PIP4K2A: variants seen among roughly 807,000 people sequenced by gnomAD.
PIP4K2A encodes the protein phosphatidylinositol-5-phosphate 4-kinase type 2 alpha.
PIP4K2A carries 14 observed loss-of-function variants against 42.9 expected under a neutral mutation model. The observed-to-expected ratio is 0.33, with a 90% CI of 0.22 to 0.51. The LOEUF (loss-of-function observed/expected upper bound fraction) is 0.51. Ranked by LOEUF, PIP4K2A falls within the 20% of genes least tolerant of loss-of-function variation. The pLI is 0.97. For synonymous variants in PIP4K2A, 192 were observed against 192.2 expected, an observed-to-expected ratio of 1.00 and a Z score of 0.01; for missense variants, 434 against 519.8, an observed-to-expected ratio of 0.83 and a Z score of 1.61.
intron 7 of PIP4K2A, among the ~76,000 whole-genome samples, chr10:22,545,020 A>C (rs1310362740): frequency 6.6e-6 from 1 of 152,220 alleles, no homozygotes; most frequent in Non-Finnish European, 1.5e-5. Context: ...TTCCCAAGCA[A>C]GGCAGCCCCA....
At chr10:22,541,421 T>C (rs1227865798) in intron 8 of PIP4K2A, among the ~76,000 whole-genome samples, 1 of 152,270 alleles carries the variant, frequency 6.6e-6, no homozygotes, top group African/African-American at 2.4e-5. Context: ...AAAAACGTAT[T>C]AATATTTTAA....
At chr10:22,618,964 T>C (rs1750754) in intron 1 of PIP4K2A, among the ~76,000 whole-genome samples, 64,985 of 151,994 alleles carry the variant, frequency 0.43, 15,030 homozygotes, top group African/African-American at 0.6. Flanking sequence ...AGGCATAATT[T>C]TTTCTTACTT....
At position 22,573,379 on chromosome 10, in the gene PIP4K2A, T is replaced by C. The variant is rs1220413780; in HGVS notation, c.571A>G (p.Ile191Val). 6.2e-7 allele frequency: 1 copy of C among 1,613,568 alleles called. No homozygotes were observed. The highest frequency in any genetic ancestry group is 8.5e-7 in the Non-Finnish European group (1 of 1,179,610). Residue 191 changes from isoleucine to valine, a missense_variant, in exon 5 of 10, where the codon ATA becomes GTA. Physicochemically the swap from Ile to Val is conservative, Grantham distance 29. Coordinates refer to ENST00000376573, the MANE Select transcript of PIP4K2A (RefSeq NM_005028.5). ...ACATTTCTTGTAACTATCACATATA[T>C]TTCAACTCCATCAACATTAAGCCGG... ...MYRLNVDGVE[I>V]YVIVTRNVFS...
rs71394001 is a variant in PIP4K2A at position 22,561,565 on chromosome 10, G to GTT, written c.678+6284_678+6285dup. Among the ~76,000 whole-genome samples the GTT allele has an allele frequency of 3.0e-4, 34 of 113,498 alleles. 8 individuals are homozygous for GTT. The highest frequency in any genetic ancestry group is 3.8e-4 in the Non-Finnish European group (22 of 57,626). The allele number at this position is 113,498 out of a possible 152,430, so 74.5% of individuals were successfully genotyped here. On this transcript the variant is annotated intron_variant, in intron 6 of 9. Coordinates refer to ENST00000376573, the MANE Select transcript of PIP4K2A (RefSeq NM_005028.5). ...TATGTCACCAGAGATTCTCTACGCAGTTTTTTTTTTTTTTTTTTTTTTTTT... is the reference window on the plus strand; with the variant it reads ...TATGTCACCAGAGATTCTCTACGCAGTTTTTTTTTTTTTTTTTTTTTTTTTTT...
chr10:22,643,724 C>G (rs1389296997), intron 1 of PIP4K2A, among the ~76,000 whole-genome samples: 3 of 152,100 alleles, frequency 2.0e-5, no homozygotes, highest in Non-Finnish European at 1.5e-5. Context: ...TTGCAGCCCC[C>G]CTCAAGTATT....
chr10:22,651,340 A>G (rs1007040996), intron 1 of PIP4K2A, among the ~76,000 whole-genome samples: 4 of 152,086 alleles, frequency 2.6e-5, no homozygotes, highest in Admixed American at 2.6e-4. Context: ...ATGACTTCCA[A>G]TTGCTCTTAG....
chr10:22,554,362 AC>A (rs2130766503), intron 6 of PIP4K2A, among the ~76,000 whole-genome samples: 1 of 152,344 alleles, frequency 6.6e-6, no homozygotes, highest in East Asian at 1.9e-4. Flanking sequence ...TACAAAGATG[AC>A]GTCTGCAGAG....
chr10:22,608,520 T>C (rs1762642424), intron 2 of PIP4K2A, among the ~76,000 whole-genome samples: 1 of 152,170 alleles, frequency 6.6e-6, no homozygotes, highest in South Asian at 2.1e-4. Context: ...TAAACACTGT[T>C]ATGAGAAAAA....
intron 1 of PIP4K2A, among the ~76,000 whole-genome samples, chr10:22,660,382 A>AACT (rs1298245426): frequency 3.9e-5 from 6 of 152,092 alleles, no homozygotes; most frequent in African/African-American, 1.4e-4. Context: ...GAGGCAGGAG[A>AACT]ACTGCTTGAA....
intron 4 of PIP4K2A, among the ~76,000 whole-genome samples, chr10:22,577,867 G>C (rs1486189458): frequency 6.6e-6 from 1 of 152,200 alleles, no homozygotes; most frequent in East Asian, 1.9e-4. Flanking sequence ...CAATTGCAGA[G>C]ATGCACGGTC....
At position 22,704,393 on chromosome 10, in the gene PIP4K2A, G is replaced by C. The variant is rs142453240; in HGVS notation, c.144+9790C>G. Among the ~76,000 whole-genome samples, 1,055 of 152,180 alleles carry C rather than the reference G, an allele frequency of 6.9e-3. 16 individuals are homozygous for C. Among genetic ancestry groups the C allele is most frequent in the African/African-American group, 0.024 (982 of 41,522 alleles). On this transcript the variant is annotated intron_variant, in intron 1 of 9. Coordinates refer to ENST00000376573, the MANE Select transcript of PIP4K2A (RefSeq NM_005028.5). ...GTGCTGGAGGTGAAAGCTAGATTGG[G>C]GTAAGTTAAGGAGATCATCGCAGGT...
At chr10:22,694,308 C>A (rs1839928128) in intron 1 of PIP4K2A, 1 of 152,142 alleles carries the variant, frequency 6.6e-6, no homozygotes, top group Non-Finnish European at 1.5e-5. Context: ...TATTTGGGTC[C>A]ACAGGTTAGA....
intron 1 of PIP4K2A, among the ~76,000 whole-genome samples, chr10:22,673,489 C>G (rs1839494935): frequency 6.6e-6 from 1 of 152,040 alleles, no homozygotes; most frequent in Non-Finnish European, 1.5e-5. Flanking sequence ...ATATTAAACT[C>G]AAAGTAGCAT....
At chr10:22,574,151 G>A (rs2130796998) in intron 4 of PIP4K2A, among the ~76,000 whole-genome samples, 1 of 150,776 alleles carries the variant, frequency 6.6e-6, no homozygotes, top group Admixed American at 6.6e-5. Flanking sequence ...ACTCCAGAGG[G>A]CCACAAGATG....
At chr10:22,573,994 C>A (rs1337912582) in intron 4 of PIP4K2A, among the ~76,000 whole-genome samples, 1 of 152,268 alleles carries the variant, frequency 6.6e-6, no homozygotes. Context: ...GACCATAGCA[C>A]CCTCGCTCCT....
At chr10:22,603,936 C>T (rs1381709997) in intron 3 of PIP4K2A, among the ~76,000 whole-genome samples, 2 of 152,068 alleles carry the variant, frequency 1.3e-5, no homozygotes, top group Admixed American at 6.6e-5. Context: ...TTTAAAAATG[C>T]CCTAATGAAT....
At chr10:22,658,027 G>A (rs548029843) in intron 1 of PIP4K2A, among the ~76,000 whole-genome samples, 1 of 152,108 alleles carries the variant, frequency 6.6e-6, no homozygotes. Context: ...CAGAAGTACA[G>A]ACAGGAAGAG....
chr10:22,639,073 A>G (rs1312424456), intron 1 of PIP4K2A, among the ~76,000 whole-genome samples: 2 of 152,202 alleles, frequency 1.3e-5, no homozygotes, highest in Non-Finnish European at 2.9e-5. Context: ...TAGAAAAACA[A>G]TGACTCATGG....
chr10:22,614,174 T>TAG (rs1457733054), intron 1 of PIP4K2A, among the ~76,000 whole-genome samples: 3 of 152,202 alleles, frequency 2.0e-5, no homozygotes. Context: ...CTATTCCCCA[T>TAG]CTTCCAAAAC....
Sources: gnomAD v4.1 joint callset for allele counts (sites outside exome capture counted in the v4.1 genomes callset) on GRCh38, gnomAD v4.1.1 for gene constraint, MANE v1.5 for transcripts, NCBI Gene and HGNC (gene_info 2026-07-23, HGNC 2026-07-21) for gene names.